HNRNPA1L2: variants seen among roughly 807,000 people sequenced by gnomAD.
HNRNPA1L2 encodes the protein heterogeneous nuclear ribonucleoprotein A1-like 2.
Under a neutral mutation model 18.2 loss-of-function variants are expected in HNRNPA1L2, and 10 were observed. That is an observed-to-expected ratio of 0.55 (90% CI 0.34 to 0.93). The LOEUF (loss-of-function observed/expected upper bound fraction) is 0.93, where lower values mean the gene tolerates loss of function less well. Among genes scored for constraint, HNRNPA1L2 ranks in the 40% least tolerant of loss-of-function variants. HNRNPA1L2 has a pLI of 0.02. For missense variants in HNRNPA1L2, 308 were observed against 394.4 expected (o/e 0.78, Z 1.85); for synonymous variants, 124 against 138.6 (o/e 0.89, Z 0.74).
the HNRNPA1L2 span, chr13:52,627,379 T>G: frequency 6.3e-6 from 1 of 157,582 alleles, no homozygotes. Context: ...ACTAAACTAC[T>G]GGCATAATAA....
rs772283883 is a variant in HNRNPA1L2, at chr13:52,642,476, C to T, written c.-17C>T. ...CGCTGAAGAAGCATCGTTAAAGTCT[C>T]TCTTCACCTTGCCGTCATGTCTAAG... On this transcript the variant is annotated 5_prime_UTR_variant, in exon 1 of 1. Coordinates refer to ENST00000357495, the MANE Select transcript of HNRNPA1L2 (RefSeq NM_001389320.1). 2 of 1,611,322 alleles carry T rather than the reference C, an allele frequency of 1.2e-6. No individual in the cohort carries two copies. The highest frequency in any genetic ancestry group is 1.3e-5 in the African/African-American group (1 of 74,810).
At chr13:52,619,562 C>G in the HNRNPA1L2 span, among the ~76,000 whole-genome samples, 1 of 152,034 alleles carries the variant, frequency 6.6e-6, no homozygotes, top group African/African-American at 2.4e-5. Flanking sequence ...ATCCATCCGC[C>G]TCGGCCTCCC....
chr13:52,618,013 T>C, the HNRNPA1L2 span, among the ~76,000 whole-genome samples: 1 of 152,234 alleles, frequency 6.6e-6, no homozygotes, highest in African/African-American at 2.4e-5. Context: ...TAGTCTCATT[T>C]CTGTTTCCTT....
At chr13:52,619,724 A>G in the HNRNPA1L2 span, among the ~76,000 whole-genome samples, 1 of 152,044 alleles carries the variant, frequency 6.6e-6, no homozygotes, top group Non-Finnish European at 1.5e-5. Context: ...GATCCAGACC[A>G]TCCTGGCTAA....
At chr13:52,641,024 C>T (rs1384555386), upstream of HNRNPA1L2, 1 of 152,162 alleles carries the variant, frequency 6.6e-6, no homozygotes, top group African/African-American at 2.4e-5. Flanking sequence ...TCATTTCTTA[C>T]AAGGAATATG....
the HNRNPA1L2 span, among the ~76,000 whole-genome samples, chr13:52,619,919 CAAAAAAA>C: frequency 4.0e-4 from 28 of 69,148 alleles, 1 homozygote; most frequent in Admixed American, 3.1e-3. Context: ...GATTCCGTCT[CAAAAAAA>C]AAAAAAAAAA....
upstream of HNRNPA1L2, among the ~76,000 whole-genome samples, chr13:52,640,582 A>G (rs1925135): frequency 0.075 from 11,369 of 152,282 alleles, 554 homozygotes; most frequent in African/African-American, 0.14. Context: ...TCATTCAACC[A>G]ACATGTATTG....
chr13:52,639,374 G>A (rs1322646375), upstream of HNRNPA1L2, among the ~76,000 whole-genome samples: 1 of 152,082 alleles, frequency 6.6e-6, no homozygotes, highest in Non-Finnish European at 1.5e-5. Context: ...TTTTACTTAC[G>A]ATATCTTCCC....
chr13:52,636,390 G>T, the HNRNPA1L2 span, among the ~76,000 whole-genome samples: 1 of 152,204 alleles, frequency 6.6e-6, no homozygotes, highest in African/African-American at 2.4e-5. Flanking sequence ...GTTCCCAGCA[G>T]CAGTAACTGG....
At chr13:52,634,388 T>G in the HNRNPA1L2 span, among the ~76,000 whole-genome samples, 1 of 152,302 alleles carries the variant, frequency 6.6e-6, no homozygotes, top group East Asian at 1.9e-4. Context: ...GCATTTAAAT[T>G]TTATGTATTT....
At chr13:52,634,901 T>C in the HNRNPA1L2 span, among the ~76,000 whole-genome samples, 5,794 of 152,308 alleles carry the variant, frequency 0.038, 135 homozygotes, top group South Asian at 0.07. Flanking sequence ...CTGAAAAAAG[T>C]GTGAGGCACA....
At chr13:52,630,362 T>A in the HNRNPA1L2 span, among the ~76,000 whole-genome samples, 69 of 152,306 alleles carry the variant, frequency 4.5e-4, no homozygotes, top group Admixed American at 3.3e-4. Flanking sequence ...CTGCAACCTC[T>A]GCCTCCTGGG....
At chr13:52,633,030 T>C in the HNRNPA1L2 span, among the ~76,000 whole-genome samples, 5 of 152,230 alleles carry the variant, frequency 3.3e-5, no homozygotes, top group African/African-American at 1.2e-4. Flanking sequence ...TTGCTAGTTG[T>C]GGTTCAGTTT....
the HNRNPA1L2 span, among the ~76,000 whole-genome samples, chr13:52,631,222 G>A: frequency 1.9e-4 from 29 of 152,200 alleles, no homozygotes; most frequent in Non-Finnish European, 3.5e-4. Flanking sequence ...TGTTGGCACT[G>A]CCACTGACTA....
the HNRNPA1L2 span, among the ~76,000 whole-genome samples, chr13:52,635,940 A>G: frequency 6.7e-6 from 1 of 150,152 alleles, no homozygotes; most frequent in Non-Finnish European, 1.5e-5. Flanking sequence ...CGGTTGAAGC[A>G]TTTCTCCTGC....
At chr13:52,618,964 T>C in the HNRNPA1L2 span, among the ~76,000 whole-genome samples, 1 of 152,216 alleles carries the variant, frequency 6.6e-6, no homozygotes, top group Non-Finnish European at 1.5e-5. Context: ...GTGAGATTCA[T>C]TCCCCTGATT....
the HNRNPA1L2 span, among the ~76,000 whole-genome samples, chr13:52,625,280 A>G: frequency 1.3e-5 from 2 of 151,852 alleles, no homozygotes; most frequent in Admixed American, 6.6e-5. Flanking sequence ...ATGCCTGGCT[A>G]ATTTTTTTGG....
chr13:52,634,927 T>C, the HNRNPA1L2 span, among the ~76,000 whole-genome samples: 1 of 152,234 alleles, frequency 6.6e-6, no homozygotes, highest in Admixed American at 6.5e-5. Context: ...TGGAACATAG[T>C]ACACATTTAA....
the HNRNPA1L2 span, among the ~76,000 whole-genome samples, chr13:52,636,982 C>G: frequency 6.6e-6 from 1 of 152,158 alleles, no homozygotes; most frequent in East Asian, 1.9e-4. Flanking sequence ...CAGGCACACA[C>G]CACTGTGCCC....
Sources: allele counts gnomAD v4.1 joint callset (sites outside exome capture counted in the v4.1 genomes callset), GRCh38; gene constraint gnomAD v4.1.1; transcripts MANE v1.5; gene names NCBI Gene and HGNC (gene_info 2026-07-23, HGNC 2026-07-21).